CACNA2D1: variants seen among roughly 807,000 people sequenced by gnomAD.
CACNA2D1 encodes the protein voltage-dependent calcium channel subunit alpha-2/delta-1.
Under a neutral mutation model 171.5 loss-of-function variants are expected in CACNA2D1, and 53 were observed. The ratio of observed to expected loss-of-function variants is 0.31; its 90% CI spans 0.25 to 0.39. The LOEUF is 0.39. Among genes scored for constraint, CACNA2D1 ranks in the 10% least tolerant of loss-of-function variants. CACNA2D1 has a pLI of 1.00. For missense variants in CACNA2D1, 903 were observed against 1,299.8 expected (o/e 0.69, Z 4.69); for synonymous variants, 442 against 443.1 (o/e 1.00, Z 0.03).
At chr7:82,323,123 C>T (rs1056460635) in intron 3 of CACNA2D1, among the ~76,000 whole-genome samples, 5 of 152,126 alleles carry the variant, frequency 3.3e-5, no homozygotes, top group African/African-American at 1.2e-4. Context: ...CCATGAAGTT[C>T]TCTTTAAAGA....
chr7:81,992,214 TGTATTGAAGTATTTCTTG>T (rs1396549388), intron 20 of CACNA2D1, among the ~76,000 whole-genome samples: 1 of 152,094 alleles, frequency 6.6e-6, no homozygotes, highest in Admixed American at 6.6e-5. Flanking sequence ...AACAGTAACA[TGTATTGAAGTATTTCTTG>T]GTATCAGGCA....
chr7:82,304,653 T>C (rs1813484861), intron 3 of CACNA2D1, among the ~76,000 whole-genome samples: 2 of 152,074 alleles, frequency 1.3e-5, no homozygotes, highest in Non-Finnish European at 2.9e-5. Flanking sequence ...GCTAAAAAAG[T>C]TTATTTTATG....
rs79710846 is a variant in CACNA2D1, at chr7:82,031,894, C to T, written c.1143+903G>A. On this transcript the variant is annotated intron_variant, in intron 12 of 38. Coordinates refer to ENST00000356860, the MANE Select transcript of CACNA2D1 (RefSeq NM_000722.4). ...AGAAGCAAAGTGAATGGGCATTTTA[C>T]CCTGCAGAGTCTTCTTATATATAAA... Among the ~76,000 whole-genome samples the T allele has an allele frequency of 5.9e-4, 90 of 152,010 alleles. No individual in the cohort carries two copies. The East Asian group carries it at 0.016, about 27-fold the overall frequency.
intron 3 of CACNA2D1, among the ~76,000 whole-genome samples, chr7:82,322,669 T>C (rs42047): frequency 0.45 from 68,142 of 152,010 alleles, 17,065 homozygotes; most frequent in East Asian, 0.61. Context: ...CATGATACTT[T>C]AATTAAAGTG....
intron 25 of CACNA2D1, among the ~76,000 whole-genome samples, chr7:81,973,695 G>A (rs1378962521): frequency 6.6e-6 from 1 of 151,908 alleles, no homozygotes; most frequent in Non-Finnish European, 1.5e-5. Context: ...ATTTTGCCAT[G>A]AATTTGGTTT....
chr7:82,093,452 G>T (rs1298834242), intron 6 of CACNA2D1, among the ~76,000 whole-genome samples: 2 of 151,998 alleles, frequency 1.3e-5, no homozygotes, highest in Non-Finnish European at 2.9e-5. Flanking sequence ...CTAAAACCTA[G>T]TATTTTCTTT....
chr7:82,027,088 A>G (rs1802024286), intron 12 of CACNA2D1, among the ~76,000 whole-genome samples: 1 of 151,624 alleles, frequency 6.6e-6, no homozygotes, highest in Non-Finnish European at 1.5e-5. Flanking sequence ...GGAGGTGGAG[A>G]TGATTAATGG....
At chr7:82,040,521 CA>C (rs1254201614) in intron 10 of CACNA2D1, among the ~76,000 whole-genome samples, 7 of 124,336 alleles carry the variant, frequency 5.6e-5, no homozygotes, top group Non-Finnish European at 8.7e-5. Flanking sequence ...GAAAACAAAA[CA>C]AAAAAAAGTA....
At chr7:82,191,039 AG>A (rs1233563062) in intron 3 of CACNA2D1, among the ~76,000 whole-genome samples, 3 of 151,680 alleles carry the variant, frequency 2.0e-5, no homozygotes, top group Admixed American at 2.0e-4. Context: ...AAGAAGATAA[AG>A]GTCTTATGTA....
chr7:82,443,349 C>T lies in CACNA2D1; in HGVS notation c.95+16G>A, dbSNP rs766649341. ...CGCCCCTCGGCCGGCGCTCCCTGCC[C>T]GGCCCGCCGACTTACGTGACGGCCG... On this transcript the variant is annotated intron_variant, in intron 1 of 38. Coordinates refer to ENST00000356860, the MANE Select transcript of CACNA2D1 (RefSeq NM_000722.4). 3 of 1,598,264 alleles carry T rather than the reference C, an allele frequency of 1.9e-6. No homozygotes were observed. The highest frequency in any genetic ancestry group is 1.7e-5 in the Admixed American group (1 of 58,470).
At chr7:82,342,202 A>G (rs1359017471) in intron 2 of CACNA2D1, among the ~76,000 whole-genome samples, 2 of 149,656 alleles carry the variant, frequency 1.3e-5, no homozygotes, top group Non-Finnish European at 3.0e-5. Flanking sequence ...TGATATTTCT[A>G]TTTTGCTACT....
intron 24 of CACNA2D1, among the ~76,000 whole-genome samples, chr7:81,981,635 A>G (rs1284923730): frequency 6.6e-6 from 1 of 152,186 alleles, no homozygotes; most frequent in Non-Finnish European, 1.5e-5. Context: ...GCCTAGATTA[A>G]TAGGAATTAT....
intron 3 of CACNA2D1, among the ~76,000 whole-genome samples, chr7:82,255,598 C>A (rs958979579): frequency 1.3e-5 from 2 of 152,040 alleles, no homozygotes; most frequent in Non-Finnish European, 2.9e-5. Context: ...CTTTAAAAGC[C>A]CAATGATAAA....
chr7:82,126,010 ACATT>A (rs1039494398), intron 5 of CACNA2D1, among the ~76,000 whole-genome samples: 11 of 152,228 alleles, frequency 7.2e-5, no homozygotes, highest in African/African-American at 2.4e-4. Context: ...TTTCACAATT[ACATT>A]CATTAACATT....
chr7:82,307,806 T>C lies in CACNA2D1; in HGVS notation c.294+27329A>G, dbSNP rs1813923061. Among the ~76,000 whole-genome samples, 9 of 152,266 alleles carry C rather than the reference T, an allele frequency of 5.9e-5. No individual in the cohort carries two copies. The South Asian group carries it at 1.9e-3, about 32-fold the overall frequency. ...TTTTGATTCTGAGTCACTTGGTAGA[T>C]ACCTTCTGTTTAAATGCAAAGAGGG... On this transcript the variant is annotated intron_variant, in intron 3 of 38. Transcript: ENST00000356860.
intron 3 of CACNA2D1, among the ~76,000 whole-genome samples, chr7:82,327,407 C>T (rs893049219): frequency 3.3e-5 from 5 of 152,140 alleles, no homozygotes; most frequent in African/African-American, 1.2e-4. Context: ...TTAAATCACC[C>T]TTTTGTTGTC....
At chr7:82,317,188 C>T (rs1256219303) in intron 3 of CACNA2D1, among the ~76,000 whole-genome samples, 2 of 152,178 alleles carry the variant, frequency 1.3e-5, no homozygotes, top group Non-Finnish European at 2.9e-5. Flanking sequence ...TTGGGGCTCA[C>T]TGCTTCTTAA....
intron 4 of CACNA2D1, among the ~76,000 whole-genome samples, chr7:82,162,774 T>C (rs920510079): frequency 1.3e-5 from 2 of 151,898 alleles, no homozygotes; most frequent in Admixed American, 1.3e-4. Context: ...TGGACAAATA[T>C]TATCTCTCCA....
chr7:81,985,695 G>C (rs1279668741), intron 21 of CACNA2D1, among the ~76,000 whole-genome samples: 1 of 152,096 alleles, frequency 6.6e-6, no homozygotes, highest in Non-Finnish European at 1.5e-5. Flanking sequence ...TTTATTTCAA[G>C]TTTATTTACT....
Sources: gnomAD v4.1 joint callset for allele counts (sites outside exome capture counted in the v4.1 genomes callset) on GRCh38, gnomAD v4.1.1 for gene constraint, MANE v1.5 for transcripts, NCBI Gene and HGNC (gene_info 2026-07-23, HGNC 2026-07-21) for gene names.